PXDN: variants seen among roughly 807,000 people sequenced by gnomAD.
The protein encoded by PXDN is peroxidasin homolog.
In PXDN, 77 loss-of-function variants were observed where a neutral mutation model predicts 140.3. The observed-to-expected ratio is 0.55, with a 90% CI of 0.46 to 0.66. PXDN has a LOEUF of 0.66. Among genes scored for constraint, PXDN ranks in the 30% least tolerant of loss-of-function variants. PXDN has a pLI of 0.00. For missense variants in PXDN, 1,838 were observed against 2,039.5 expected, an observed-to-expected ratio of 0.90 and a Z score of 1.90; for synonymous variants, 911 against 857.4, an observed-to-expected ratio of 1.06 and a Z score of -1.09.
chr2:1,639,210 C>T lies in PXDN; in HGVS notation c.4073+92G>A. On this transcript the variant is annotated intron_variant, in intron 20 of 22. Transcript: ENST00000252804. This position sits in a 1 kb window ranked among gnomAD's most constrained non-coding sequence, Gnocchi z 5.0. Reference sequence around the variant, plus strand: ...CGTCCCTGCCAGGAACCATCCTCGCCACAGGCCCACAGCAGGATGCCGGTC... The same window carrying T: ...CGTCCCTGCCAGGAACCATCCTCGCTACAGGCCCACAGCAGGATGCCGGTC... 1 of 1,536,404 alleles carries T rather than the reference C, an allele frequency of 6.5e-7. No individual in the cohort carries two copies. Among genetic ancestry groups the T allele is most frequent in the African/African-American group, 1.4e-5 (1 of 73,010 alleles).
intron 9 of PXDN, among the ~76,000 whole-genome samples, chr2:1,666,712 GATC>G (rs770231369): frequency 3.3e-5 from 5 of 152,188 alleles, no homozygotes; most frequent in Non-Finnish European, 7.3e-5. Flanking sequence ...GAGCAACCAT[GATC>G]GGTTAGGAAG....
At chr2:1,681,744 C>T (rs1028175032) in intron 6 of PXDN, among the ~76,000 whole-genome samples, 2 of 152,218 alleles carry the variant, frequency 1.3e-5, no homozygotes, top group African/African-American at 4.8e-5. Flanking sequence ...GGGCACCCAA[C>T]CTGTGCCCAC....
intron 14 of PXDN, among the ~76,000 whole-genome samples, chr2:1,656,754 G>A (rs1683145363): frequency 3.3e-5 from 3 of 91,946 alleles, no homozygotes; most frequent in South Asian, 3.6e-4. Flanking sequence ...TGCCCCCTCA[G>A]TACTGGGATC....
At chr2:1,665,113 A>T (rs1211720029) in intron 10 of PXDN, 39 bp from the exon 11 acceptor site, 3 of 1,473,124 alleles carry the variant, frequency 2.0e-6, no homozygotes, top group Non-Finnish European at 1.9e-6. Flanking sequence ...ACATGTAAAA[A>T]ACAGCCTGGG....
At chr2:1,674,537 T>G (rs1441936127) in intron 8 of PXDN, among the ~76,000 whole-genome samples, 1 of 152,212 alleles carries the variant, frequency 6.6e-6, no homozygotes, top group Non-Finnish European at 1.5e-5. Context: ...GGGGCCATGC[T>G]GCATCACACA....
chr2:1,744,563 G>A, upstream of PXDN: 1 of 965,704 alleles, frequency 1.0e-6, no homozygotes, highest in Admixed American at 4.5e-5. Context: ...GGGGGCGGGG[G>A]GCGCCAGCTG....
intron 15 of PXDN, chr2:1,654,005 C>T: frequency 1.8e-6 from 1 of 562,442 alleles, no homozygotes. Flanking sequence ...TTAATTAAGT[C>T]AATAGAGAAA....
chr2:1,669,772 G>C (rs1424597907), intron 9 of PXDN: 1 of 152,216 alleles, frequency 6.6e-6, no homozygotes, highest in African/African-American at 2.4e-5. Flanking sequence ...CAGGGAGTCA[G>C]AGGTTGCAGT....
intron 1 of PXDN, among the ~76,000 whole-genome samples, chr2:1,725,558 A>T (rs1020520101): frequency 6.6e-6 from 1 of 152,146 alleles, no homozygotes; most frequent in Non-Finnish European, 1.5e-5. Context: ...AATGGCAACA[A>T]AAGCCAAAAT....
intron 7 of PXDN, among the ~76,000 whole-genome samples, chr2:1,679,444 G>A (rs1030962972): frequency 5.3e-5 from 8 of 150,078 alleles, no homozygotes; most frequent in Non-Finnish European, 1.0e-4. Context: ...ATGTGCGTGT[G>A]TGTGTGGATG....
At chr2:1,711,913 C>T (rs536853985) in intron 1 of PXDN, among the ~76,000 whole-genome samples, 1 of 152,194 alleles carries the variant, frequency 6.6e-6, no homozygotes, top group Non-Finnish European at 1.5e-5. Context: ...CCAGGAGGTC[C>T]TCCTCATCCA....
At chr2:1,640,255 G>A (rs1011661193) in intron 19 of PXDN, among the ~76,000 whole-genome samples, 7 of 152,232 alleles carry the variant, frequency 4.6e-5, no homozygotes, top group African/African-American at 1.7e-4. Context: ...TGTTCAGTCT[G>A]TCTTGTACAT....
chr2:1,670,595 T>C (rs1377931752), intron 9 of PXDN, among the ~76,000 whole-genome samples: 2 of 152,224 alleles, frequency 1.3e-5, no homozygotes, highest in Admixed American at 6.5e-5. Context: ...TTAATATTAG[T>C]ATTTCTATCA....
chr2:1,728,875 C>A (rs1037163572), intron 1 of PXDN, among the ~76,000 whole-genome samples: 29 of 152,332 alleles, frequency 1.9e-4, no homozygotes, highest in South Asian at 8.3e-4. Flanking sequence ...ACAGATATAG[C>A]CCTGCGAGTC....
At chr2:1,653,286 T>A in intron 16 of PXDN, 1 of 360,510 alleles carries the variant, frequency 2.8e-6, no homozygotes. Context: ...GCAAGCACGC[T>A]GCCAAGTCCT....
At chr2:1,661,349 TG>T (rs1683299698) in intron 13 of PXDN, among the ~76,000 whole-genome samples, 1 of 151,858 alleles carries the variant, frequency 6.6e-6, no homozygotes, top group African/African-American at 2.4e-5. Context: ...CCCGCTATGG[TG>T]GGGGGCCCTA....
Position 1,677,664 on chromosome 2 carries a change from C to T in PXDN, c.731-620G>A, listed in dbSNP as rs1683755430. 2.0e-5 allele frequency among the ~76,000 whole-genome samples: 3 copies of T among 151,850 alleles called. 1 individual carries two copies. The South Asian group carries it at 6.2e-4, about 31-fold the overall frequency. On this transcript the variant is annotated intron_variant, in intron 7 of 22. Transcript: ENST00000252804. ...CTCCCAGGCCTTCCTCGAGGGCTGA[C>T]GGCTCCCAGGCTCCCGTCCCTGGTG...
intron 1 of PXDN, among the ~76,000 whole-genome samples, chr2:1,716,459 A>AAG (rs1684897882): frequency 7.0e-6 from 1 of 143,402 alleles, no homozygotes; most frequent in African/African-American, 2.8e-5. Context: ...AAAAAAAAAA[A>AAG]AAAAAAAAAA....
At chr2:1,696,391 G>A (rs886917808) in intron 1 of PXDN, among the ~76,000 whole-genome samples, 1 of 151,938 alleles carries the variant, frequency 6.6e-6, no homozygotes, top group Non-Finnish European at 1.5e-5. Flanking sequence ...CTATGAAGAG[G>A]GTAAAACAAA....
Sources: gnomAD v4.1 joint callset for allele counts (sites outside exome capture counted in the v4.1 genomes callset) on GRCh38, gnomAD v4.1.1 for gene constraint, Gnocchi (gnomAD v3.1) non-coding constraint, MANE v1.5 for transcripts, NCBI Gene and HGNC (gene_info 2026-07-23, HGNC 2026-07-21) for gene names.